Variants in MACROD2 observed in about 807,000 individuals in gnomAD.
The protein encoded by MACROD2 is mono-ADP ribosylhydrolase 2.
Under a neutral mutation model 70.4 loss-of-function variants are expected in MACROD2, and 36 were observed. The ratio of observed to expected loss-of-function variants is 0.51; its 90% CI spans 0.39 to 0.68. The LOEUF (loss-of-function observed/expected upper bound fraction) is 0.68. Among genes scored for constraint, MACROD2 ranks in the 30% least tolerant of loss-of-function variants. The pLI is 0.00. For synonymous variants in MACROD2, 172 were observed against 178.8 expected, an observed-to-expected ratio of 0.96 and a Z score of 0.30; for missense variants, 496 against 538.4, an observed-to-expected ratio of 0.92 and a Z score of 0.78.
At chr20:15,967,680 A>C in intron 13 of MACROD2, 50 bp downstream of exon 13, 4 of 814,924 alleles carry the variant, frequency 4.9e-6, no homozygotes, top group Non-Finnish European at 6.9e-6. Context: ...GCTGGGAAAC[A>C]GAAAAAAAAA....
intron 8 of MACROD2, among the ~76,000 whole-genome samples, chr20:15,560,712 T>TAG (rs2048230363): frequency 8.0e-6 from 1 of 124,776 alleles, no homozygotes; most frequent in Non-Finnish European, 1.5e-5. Context: ...GCAGCAGGAC[T>TAG]AGATTGCACC....
chr20:15,184,149 C>A (rs1157590933), intron 5 of MACROD2, among the ~76,000 whole-genome samples: 2 of 152,170 alleles, frequency 1.3e-5, no homozygotes, highest in Non-Finnish European at 2.9e-5. Flanking sequence ...TGCGGACCAA[C>A]ACTGCCTTAG....
intron 5 of MACROD2, among the ~76,000 whole-genome samples, chr20:14,726,688 G>A (rs73899274): frequency 0.043 from 6,561 of 152,080 alleles, 483 homozygotes; most frequent in African/African-American, 0.15. Flanking sequence ...TTAACTACTC[G>A]GGCATCAAGT....
intron 8 of MACROD2, among the ~76,000 whole-genome samples, chr20:15,685,860 G>T (rs1418134393): frequency 1.3e-5 from 2 of 152,172 alleles, no homozygotes; most frequent in African/African-American, 4.8e-5. Context: ...CTTTGATGGG[G>T]TCAGTTTGCT....
chr20:14,357,030 G>A (rs1248348312), intron 3 of MACROD2, among the ~76,000 whole-genome samples: 2 of 152,186 alleles, frequency 1.3e-5, no homozygotes, highest in Non-Finnish European at 2.9e-5. Context: ...CCTCAGTAGT[G>A]ACTTCTTTAT....
intron 3 of MACROD2, among the ~76,000 whole-genome samples, chr20:14,087,017 A>G (rs2054084629): frequency 6.6e-6 from 1 of 152,192 alleles, no homozygotes; most frequent in African/African-American, 2.4e-5. Context: ...GGAGAACTGA[A>G]ACATTGTTCA....
chr20:14,044,525 G>A (rs1377235527), intron 2 of MACROD2, among the ~76,000 whole-genome samples: 1 of 152,100 alleles, frequency 6.6e-6, no homozygotes. Flanking sequence ...GCTGATTGGT[G>A]TGTTTTACAG....
chr20:15,249,869 T>C (rs1015477645), intron 6 of MACROD2, among the ~76,000 whole-genome samples: 1 of 152,264 alleles, frequency 6.6e-6, no homozygotes, highest in Non-Finnish European at 1.5e-5. Flanking sequence ...CACCATCCCA[T>C]TACCAAATAA....
intron 6 of MACROD2, among the ~76,000 whole-genome samples, chr20:15,287,645 A>G (rs556524586): frequency 6.6e-6 from 1 of 152,314 alleles, no homozygotes; most frequent in East Asian, 1.9e-4. Flanking sequence ...GAAAGCTGAG[A>G]TGGGAAGTCA....
At chr20:15,992,451 T>C (rs1168281896) in intron 15 of MACROD2, among the ~76,000 whole-genome samples, 2 of 152,122 alleles carry the variant, frequency 1.3e-5, no homozygotes, top group Admixed American at 1.3e-4. Flanking sequence ...CTGTCTCTAG[T>C]TCTCACTATG....
At chr20:15,514,564 T>C (rs1233768) in intron 8 of MACROD2, among the ~76,000 whole-genome samples, 128,714 of 152,202 alleles carry the variant, frequency 0.85, 54,797 homozygotes, top group East Asian at 0.99. Flanking sequence ...TGTATAAGTA[T>C]ACTCTATGAT....
chr20:15,608,690 A>G (rs1020289363), intron 8 of MACROD2, among the ~76,000 whole-genome samples: 4 of 152,152 alleles, frequency 2.6e-5, no homozygotes, highest in African/African-American at 9.7e-5. Flanking sequence ...CCTTTTGCAT[A>G]ATTGATCCTA....
At chr20:15,187,531 C>T (rs925859616) in intron 5 of MACROD2, among the ~76,000 whole-genome samples, 2 of 152,060 alleles carry the variant, frequency 1.3e-5, no homozygotes, top group Non-Finnish European at 2.9e-5. Context: ...GGGACCATTT[C>T]AATATATACT....
At chr20:14,035,058 T>C (rs1163341767) in intron 2 of MACROD2, among the ~76,000 whole-genome samples, 5 of 152,210 alleles carry the variant, frequency 3.3e-5, no homozygotes. Context: ...TGGTTATTGC[T>C]CAGTTATAGG....
In MACROD2 at chr20:14,850,942, G is replaced by A. The variant is rs16995097; in HGVS notation, c.418+165983G>A. Among the ~76,000 whole-genome samples, 992 of 152,184 alleles carry A rather than the reference G, an allele frequency of 6.5e-3. 53 individuals carry two copies. The East Asian group carries it at 0.11, about 17-fold the overall frequency. On this transcript the variant is annotated intron_variant, in intron 5 of 17. Coordinates refer to ENST00000684519, the MANE Select transcript of MACROD2 (RefSeq NM_001351661.2). ...GGAGGAAGAGTTGAGGCCAGATTTTGCAACTTCTAATTTTTTTTTTAAACC... is the reference window on the plus strand; with the variant it reads ...GGAGGAAGAGTTGAGGCCAGATTTTACAACTTCTAATTTTTTTTTTAAACC...
intron 7 of MACROD2, among the ~76,000 whole-genome samples, chr20:15,469,318 T>C (rs1208844838): frequency 2.0e-5 from 3 of 152,142 alleles, no homozygotes; most frequent in Non-Finnish European, 4.4e-5. Flanking sequence ...TAGAATTCAT[T>C]TGCAGGAAGA....
chr20:14,924,912 T>A (rs1269702306), intron 5 of MACROD2, among the ~76,000 whole-genome samples: 1 of 152,164 alleles, frequency 6.6e-6, no homozygotes, highest in Non-Finnish European at 1.5e-5. Flanking sequence ...GTAATATAAA[T>A]AACCCTCAGT....
At chr20:15,354,604 C>T (rs571800843) in intron 6 of MACROD2, among the ~76,000 whole-genome samples, 125 of 152,140 alleles carry the variant, frequency 8.2e-4, no homozygotes, top group Non-Finnish European at 1.7e-3. Flanking sequence ...TTATATCTAT[C>T]GGCCCAGTAA....
At chr20:14,520,023 T>C (rs1185078848) in intron 4 of MACROD2, among the ~76,000 whole-genome samples, 3 of 151,952 alleles carry the variant, frequency 2.0e-5, no homozygotes, top group Non-Finnish European at 4.4e-5. Flanking sequence ...TGAGAAAACA[T>C]GGACACAAAG....
Sources: gnomAD v4.1 joint callset for allele counts (sites outside exome capture counted in the v4.1 genomes callset) on GRCh38, gnomAD v4.1.1 for gene constraint, MANE v1.5 for transcripts, NCBI Gene and HGNC (gene_info 2026-07-23, HGNC 2026-07-21) for gene names.